The following FAM168A variants were observed in gnomAD, a reference collection of about 807,000 sequenced individuals.
FAM168A encodes the protein protein FAM168A.
Under a neutral mutation model 28.5 loss-of-function variants are expected in FAM168A, and 3 were observed. The ratio of observed to expected loss-of-function variants is 0.11; its 90% CI spans 0.05 to 0.27. The LOEUF (loss-of-function observed/expected upper bound fraction) is 0.27, where lower values mean the gene tolerates loss of function less well. Ranked by LOEUF, FAM168A falls within the 10% of genes least tolerant of loss-of-function variation. FAM168A has a pLI of 1.00. For missense variants in FAM168A, 222 were observed against 311.5 expected (o/e 0.71, Z 2.16); for synonymous variants, 122 against 124.2 (o/e 0.98, Z 0.12).
chr11:73,418,172 T>C (rs1280744429), intron 4 of FAM168A, among the ~76,000 whole-genome samples: 1 of 152,206 alleles, frequency 6.6e-6, no homozygotes, highest in African/African-American at 2.4e-5. Context: ...CATTGGATGT[T>C]GATATGGTTT....
intron 1 of FAM168A, among the ~76,000 whole-genome samples, chr11:73,545,155 A>G (rs1175419589): frequency 6.8e-6 from 1 of 146,868 alleles, no homozygotes; most frequent in African/African-American, 2.6e-5. Flanking sequence ...CCTCCTGAGT[A>G]GCTAAGACTA....
Position 73,477,234 on chromosome 11 carries a change from G to A in FAM168A, c.-18-8742C>T, listed in dbSNP as rs181341587. Among the ~76,000 whole-genome samples, 9 of 152,022 alleles carry A rather than the reference G, an allele frequency of 5.9e-5. No individual in the cohort carries two copies. The East Asian group carries it at 1.5e-3, about 26-fold the overall frequency. On this transcript the variant is annotated intron_variant, in intron 1 of 7. Transcript: ENST00000356467. The stretch of plus-strand genomic sequence containing the variant: ...TACTTGGGCAGGGAGGGTTGAAGGA[G>A]GGTGAAAGTCAAAAAAAAGTCAGGT...
At chr11:73,583,433 T>C (rs12285885) in intron 1 of FAM168A, among the ~76,000 whole-genome samples, 30,182 of 152,198 alleles carry the variant, frequency 0.2, 4,789 homozygotes, top group African/African-American at 0.44. Context: ...TTACTGATGC[T>C]TATTCTGTAC....
chr11:73,431,685 T>C (rs1866997160), intron 2 of FAM168A, among the ~76,000 whole-genome samples: 1 of 152,152 alleles, frequency 6.6e-6, no homozygotes, highest in African/African-American at 2.4e-5. Context: ...CACAATCAGC[T>C]CTCAAGAGTT....
chr11:73,478,496 G>T (rs1022057133), intron 1 of FAM168A, among the ~76,000 whole-genome samples: 1 of 152,058 alleles, frequency 6.6e-6, no homozygotes, highest in Non-Finnish European at 1.5e-5. Context: ...AGAAGCAAGA[G>T]ATTTCTTTGG....
intron 1 of FAM168A, among the ~76,000 whole-genome samples, chr11:73,539,855 G>C (rs1565289299): frequency 6.6e-6 from 1 of 152,246 alleles, no homozygotes; most frequent in Non-Finnish European, 1.5e-5. Context: ...GGTCTTATAA[G>C]GATGGAGGAT....
chr11:73,536,664 G>A (rs1431238010), intron 1 of FAM168A, among the ~76,000 whole-genome samples: 1 of 152,076 alleles, frequency 6.6e-6, no homozygotes, highest in Non-Finnish European at 1.5e-5. Context: ...TCCAGCCTGG[G>A]CAACAAGAGC....
chr11:73,484,507 G>GAGAGAGATATATATATATATATATAT (rs1243168733), intron 1 of FAM168A, among the ~76,000 whole-genome samples: 1 of 77,774 alleles, frequency 1.3e-5, no homozygotes, highest in African/African-American at 5.7e-5. Context: ...AGGAGAGAGA[G>GAGAGAGATATATATATATATATATAT]ATATATATAG....
chr11:73,488,958 A>G (rs138067336), intron 1 of FAM168A, among the ~76,000 whole-genome samples: 12,560 of 152,006 alleles, frequency 0.083, 1,575 homozygotes, highest in African/African-American at 0.27. Context: ...GTGCGATCTC[A>G]GCTCACTGCA....
intron 1 of FAM168A, among the ~76,000 whole-genome samples, chr11:73,527,032 C>T (rs1943456291): frequency 6.6e-6 from 1 of 152,040 alleles, no homozygotes; most frequent in African/African-American, 2.4e-5. Context: ...ACTGGCCAGC[C>T]CTCCTTTGTG....
chr11:73,540,497 T>C (rs943091787), intron 1 of FAM168A, among the ~76,000 whole-genome samples: 8 of 152,178 alleles, frequency 5.3e-5, no homozygotes, highest in African/African-American at 1.7e-4. Context: ...CACAACTCTA[T>C]GCATTTTGTC....
rs951066095 is a variant in FAM168A at position 73,400,948 on chromosome 11, A to G, written c.*5815T>C. On this transcript the variant is annotated 3_prime_UTR_variant, in exon 8 of 8. Coordinates refer to ENST00000356467, the MANE Select transcript of FAM168A (RefSeq NM_015159.3). The stretch of plus-strand genomic sequence containing the variant: ...AAACCCAAAAGAATCCAAAACAACA[A>G]AACAAAACCAGATTTACACTTCATA... 3.3e-5 allele frequency: 5 copies of G among 152,096 alleles called. No individual in the cohort carries two copies. Among genetic ancestry groups the G allele is most frequent in the Admixed American group, 3.3e-4 (5 of 15,278 alleles). The allele number at this position is 152,096 out of a possible 1,614,324, so 9.4% of individuals were successfully genotyped here. A position where few individuals can be genotyped will look rare whatever the true frequency, so the allele number is the denominator to read the frequency against.
chr11:73,471,458 G>A (rs1255984289), intron 1 of FAM168A, among the ~76,000 whole-genome samples: 7 of 152,026 alleles, frequency 4.6e-5, no homozygotes, highest in African/African-American at 1.2e-4. Flanking sequence ...CCTGAAAAAC[G>A]TATTCAGTTG....
chr11:73,445,714 C>T (rs1471206500), intron 2 of FAM168A, among the ~76,000 whole-genome samples: 2 of 152,038 alleles, frequency 1.3e-5, no homozygotes, highest in South Asian at 2.1e-4. Context: ...TGAAATGGAA[C>T]ATGTCTTAGG....
At position 73,407,064 on chromosome 11, in the gene FAM168A, C is replaced by G. The variant is rs188996403; in HGVS notation, c.*19-320G>C. Among the ~76,000 whole-genome samples the G allele has an allele frequency of 3.5e-3, 531 of 152,352 alleles. 19 individuals are homozygous for G. Among genetic ancestry groups the G allele is most frequent in the Non-Finnish European group, 6.5e-4 (44 of 68,038 alleles). On this transcript the variant is annotated intron_variant, in intron 7 of 7. Transcript: ENST00000356467. ...CCAACCAAAGCTCTTAACATATGAT[C>G]TGGGCAAGAGTTCATTTGAAGAATG... is the stretch of plus-strand genomic sequence containing the variant.
intron 1 of FAM168A, among the ~76,000 whole-genome samples, chr11:73,548,357 A>G (rs936027914): frequency 6.6e-6 from 1 of 152,188 alleles, no homozygotes; most frequent in Non-Finnish European, 1.5e-5. Context: ...TACTATAAGC[A>G]AGCACATTAT....
chr11:73,442,999 C>CATATATATATATATATAT (rs1867232029), intron 2 of FAM168A, among the ~76,000 whole-genome samples: 1 of 26,952 alleles, frequency 3.7e-5, no homozygotes, highest in Non-Finnish European at 8.4e-5. Context: ...TATATATATG[C>CATATATATATATATATAT]CAAGCCTTTT....
At chr11:73,413,740 G>C (rs909896506) in intron 4 of FAM168A, among the ~76,000 whole-genome samples, 1 of 152,142 alleles carries the variant, frequency 6.6e-6, no homozygotes, top group African/African-American at 2.4e-5. Flanking sequence ...TTAAGATTTT[G>C]TTTTTATTCC....
At position 73,419,839 on chromosome 11, in the gene FAM168A, A is replaced by C. The variant is rs1482235121; in HGVS notation, c.277+35T>G. 4 of 1,612,186 alleles carry C rather than the reference A, an allele frequency of 2.5e-6. No homozygotes were observed. In the South Asian group the frequency reaches 3.3e-5, roughly 13 times the overall value. ...CCTAAGAAACAAATCAGTCCCAACC[A>C]AGGGGAACAAGGAAATGAGACAGGC... On this transcript the variant is annotated intron_variant, in intron 4 of 7. Transcript: ENST00000356467.
Sources: gnomAD v4.1 joint callset for allele counts (sites outside exome capture counted in the v4.1 genomes callset) on GRCh38, gnomAD v4.1.1 for gene constraint, MANE v1.5 for transcripts, NCBI Gene and HGNC (gene_info 2026-07-23, HGNC 2026-07-21) for gene names.